LMNB1: variants seen among roughly 807,000 people sequenced by gnomAD.
LMNB1 encodes the protein lamin B1.
Under a neutral mutation model 67.1 loss-of-function variants are expected in LMNB1, and 23 were observed. The ratio of observed to expected loss-of-function variants is 0.34; its 90% confidence interval spans 0.25 to 0.49. The LOEUF (loss-of-function observed/expected upper bound fraction) is 0.49. Among genes scored for constraint, LMNB1 ranks in the 20% least tolerant of loss-of-function variants. The probability of loss-of-function intolerance (pLI) is 0.99; values close to 1 mark genes in which losing one functional copy is unlikely to be tolerated. For missense variants in LMNB1, 634 were observed against 746.5 expected (o/e 0.85, Z 1.76); for synonymous variants, 281 against 282.9 (o/e 0.99, Z 0.07).
chr5:126,808,861 T>A (rs1454292151), intron 3 of LMNB1, among the ~76,000 whole-genome samples: 1 of 152,012 alleles, frequency 6.6e-6, no homozygotes, highest in African/African-American at 2.4e-5. Flanking sequence ...CTTCTTCAGA[T>A]ATTACCATTC....
At chr5:126,805,254 T>C (rs1751388020) in intron 2 of LMNB1, among the ~76,000 whole-genome samples, 1 of 152,228 alleles carries the variant, frequency 6.6e-6, no homozygotes, top group African/African-American at 2.4e-5. Context: ...GCCAAAATGC[T>C]GCTCTCCACA....
chr5:126,779,947 G>A (rs1750582942), intron 1 of LMNB1, among the ~76,000 whole-genome samples: 1 of 152,150 alleles, frequency 6.6e-6, no homozygotes, highest in Non-Finnish European at 1.5e-5. Flanking sequence ...CAGGAGAATC[G>A]CTTGAACCCA....
At chr5:126,808,100 G>T (rs1288535000) in intron 3 of LMNB1, among the ~76,000 whole-genome samples, 1 of 152,078 alleles carries the variant, frequency 6.6e-6, no homozygotes, top group East Asian at 1.9e-4. Flanking sequence ...TCGAACTCCT[G>T]AACTCAAGTG....
intron 1 of LMNB1, among the ~76,000 whole-genome samples, chr5:126,783,267 T>C (rs373559583): frequency 4.0e-4 from 61 of 152,100 alleles, no homozygotes; most frequent in East Asian, 3.9e-3. Context: ...TATTACTATA[T>C]CTTTTTTTAA....
intron 9 of LMNB1, among the ~76,000 whole-genome samples, chr5:126,827,397 T>G (rs1406991468): frequency 3.3e-5 from 5 of 152,166 alleles, no homozygotes; most frequent in Non-Finnish European, 7.4e-5. Flanking sequence ...CAGTGGCTCA[T>G]GCCTGTAATC....
At chr5:126,832,339 C>T (rs1048046161) in intron 9 of LMNB1, among the ~76,000 whole-genome samples, 2 of 151,634 alleles carry the variant, frequency 1.3e-5, no homozygotes, top group Non-Finnish European at 2.9e-5. Context: ...TTTTTTGAGA[C>T]AGTCTTGCTG....
intron 1 of LMNB1, among the ~76,000 whole-genome samples, chr5:126,788,237 T>C (rs905207547): frequency 6.6e-6 from 1 of 152,040 alleles, no homozygotes; most frequent in Non-Finnish European, 1.5e-5. Flanking sequence ...TGCCGGACTT[T>C]AGGTAGCAAT....
intron 9 of LMNB1, among the ~76,000 whole-genome samples, chr5:126,828,785 T>A (rs531797388): frequency 1.3e-5 from 2 of 150,516 alleles, no homozygotes; most frequent in African/African-American, 4.8e-5. Context: ...ATGGTCTCAA[T>A]CTCTTGACCT....
chr5:126,817,331 A>G (rs1299222686), intron 5 of LMNB1, among the ~76,000 whole-genome samples: 1 of 152,122 alleles, frequency 6.6e-6, no homozygotes. Flanking sequence ...GTCTCCAAGG[A>G]GCCCTGGTTC....
chr5:126,796,786 C>CTT (rs34534973), intron 1 of LMNB1, among the ~76,000 whole-genome samples: 39 of 118,732 alleles, frequency 3.3e-4, no homozygotes, highest in Admixed American at 4.6e-4. Context: ...TTTTTTCTTT[C>CTT]TTTTTTTTTT....
intron 10 of LMNB1, among the ~76,000 whole-genome samples, chr5:126,834,562 G>A (rs561066943): frequency 5.3e-5 from 8 of 152,354 alleles, no homozygotes; most frequent in African/African-American, 1.9e-4. Flanking sequence ...AGAATTCATG[G>A]TGATCTTTAA....
At chr5:126,786,797 G>T (rs1750796780) in intron 1 of LMNB1, among the ~76,000 whole-genome samples, 1 of 152,164 alleles carries the variant, frequency 6.6e-6, no homozygotes, top group Admixed American at 6.5e-5. Flanking sequence ...TTTTGGATTT[G>T]TCAGAAGGGT....
chr5:126,796,786 C>CTTTTTTTTTTTTTTTTTTTTTT (rs34534973), intron 1 of LMNB1, among the ~76,000 whole-genome samples: 1 of 118,746 alleles, frequency 8.4e-6, no homozygotes, highest in African/African-American at 3.1e-5. Context: ...TTTTTTCTTT[C>CTTTTTTTTTTTTTTTTTTTTTT]TTTTTTTTTT....
intron 1 of LMNB1, among the ~76,000 whole-genome samples, chr5:126,787,546 A>ATATTTTTTTTTTTTTTTTTTTT: frequency 7.6e-5 from 5 of 65,572 alleles, no homozygotes; most frequent in African/African-American, 6.6e-5. Context: ...ATATATATAT[A>ATATTTTTTTTTTTTTTTTTTTT]TTTTTTTTTT....
intron 1 of LMNB1, among the ~76,000 whole-genome samples, chr5:126,779,144 G>C (rs916554926): frequency 1.3e-5 from 2 of 152,114 alleles, no homozygotes; most frequent in African/African-American, 2.4e-5. Flanking sequence ...CCTGTCCGAA[G>C]TCTCTGAGAT....
At chr5:126,804,510 C>T (rs1751367475) in intron 1 of LMNB1, among the ~76,000 whole-genome samples, 1 of 152,124 alleles carries the variant, frequency 6.6e-6, no homozygotes, top group Admixed American at 6.6e-5. Flanking sequence ...CATGCAGTCT[C>T]ACTCAAGGAC....
At chr5:126,825,936 C>T (rs1751985263) in intron 8 of LMNB1, 52 bp from the exon 9 acceptor site, 12 of 1,610,870 alleles carry the variant, frequency 7.4e-6, no homozygotes, top group East Asian at 2.2e-5. Context: ...CTGTCGTTGG[C>T]GTGTGGGAGA....
chr5:126,785,146 AT>A (rs200467792), intron 1 of LMNB1, among the ~76,000 whole-genome samples: 238 of 135,490 alleles, frequency 1.8e-3, no homozygotes, highest in Admixed American at 2.4e-3. Context: ...TGCCCGGCTA[AT>A]TTTTTTTTTT....
In LMNB1 at chr5:126,819,007, A is replaced by G. The variant is rs892136955; in HGVS notation, c.1025A>G (p.Lys342Arg). Reference sequence around the variant, plus strand: ...AACTCTCGTCGCATGCTGACAGACAAAGAGAGAGAGATGGCGGAAATAAGG... The same window carrying G: ...AACTCTCGTCGCATGCTGACAGACAGAGAGAGAGAGATGGCGGAAATAAGG... The part of the protein sequence containing the change: ...KDNSRRMLTD[K>R]EREMAEIRDQ... The change falls in exon 6 of 11, where the codon AAA (lysine) becomes AGA (arginine). Residue 342 changes from lysine (K) to arginine (R), a missense_variant. Transcript: ENST00000261366. 7 of 1,614,082 alleles carry G rather than the reference A, an allele frequency of 4.3e-6. No homozygotes were observed. The highest frequency in any genetic ancestry group is 5.9e-6 in the Non-Finnish European group (7 of 1,179,934).
Sources: gnomAD v4.1 joint callset for allele counts (sites outside exome capture counted in the v4.1 genomes callset) on GRCh38, gnomAD v4.1.1 for gene constraint, MANE v1.5 for transcripts, NCBI Gene and HGNC (gene_info 2026-07-23, HGNC 2026-07-21) for gene names.